CELF2: variants seen among roughly 807,000 people sequenced by gnomAD.
The protein encoded by CELF2 is CUGBP Elav-like family member 2, also known as CUG triplet repeat RNA-binding protein 2.
CELF2 carries 8 observed loss-of-function variants against 62.6 expected under a neutral mutation model. That is an observed-to-expected ratio of 0.13 (90% CI 0.07 to 0.23). The LOEUF (loss-of-function observed/expected upper bound fraction) is 0.23. CELF2 is among the 10% of genes least tolerant of loss of function. The pLI is 1.00. For missense variants in CELF2, 333 were observed against 671.0 expected (o/e 0.50, Z 5.56); for synonymous variants, 258 against 250.0 (o/e 1.03, Z -0.30).
chr10:11,187,798 T>C (rs1029552237), intron 2 of CELF2, among the ~76,000 whole-genome samples: 1 of 152,240 alleles, frequency 6.6e-6, no homozygotes, highest in South Asian at 2.1e-4. Flanking sequence ...TGTTTTTACA[T>C]TTTGCTTTTA....
rs990449233 is a variant in CELF2 at position 10,814,760 on chromosome 10, G to A, written c.53+15943G>A. Among the ~76,000 whole-genome samples the A allele has an allele frequency of 1.3e-4, 20 of 152,226 alleles. 1 individual carries two copies. The highest frequency in any genetic ancestry group is 3.9e-4 in the Admixed American group (6 of 15,288). ...TGAGGTTAAATCCAGGTAATATGATGTCAGGGGATTTGTATTTTAGGAACT... is the reference window on the plus strand; with the variant it reads ...TGAGGTTAAATCCAGGTAATATGATATCAGGGGATTTGTATTTTAGGAACT... On this transcript the variant is annotated intron_variant, in intron 1 of 13. Coordinates refer to the CELF2 transcript ENST00000636488.
the CELF2 span, among the ~76,000 whole-genome samples, chr10:10,684,992 A>T: frequency 1.3e-5 from 2 of 152,170 alleles, no homozygotes; most frequent in African/African-American, 4.8e-5. Flanking sequence ...AAAACCAACA[A>T]AGACAGGAGG....
At chr10:11,022,455 G>T (rs1395571045) in intron 1 of CELF2, among the ~76,000 whole-genome samples, 1 of 152,164 alleles carries the variant, frequency 6.6e-6, no homozygotes, top group Non-Finnish European at 1.5e-5. Context: ...ATAAAAAGGT[G>T]ATGGGATTTT....
At chr10:11,043,584 C>T (rs1426192472) in intron 1 of CELF2, among the ~76,000 whole-genome samples, 1 of 152,064 alleles carries the variant, frequency 6.6e-6, no homozygotes, top group African/African-American at 2.4e-5. Context: ...AGCTCCTCAT[C>T]CCCCGTCCTT....
At chr10:10,596,085 C>T in the CELF2 span, among the ~76,000 whole-genome samples, 2 of 152,048 alleles carry the variant, frequency 1.3e-5, no homozygotes, top group African/African-American at 4.8e-5. Flanking sequence ...AAGCAAGAAC[C>T]CTTGTGGGCT....
intron 2 of CELF2, among the ~76,000 whole-genome samples, chr10:10,962,892 T>C (rs2049687356): frequency 6.6e-6 from 1 of 152,248 alleles, no homozygotes; most frequent in Non-Finnish European, 1.5e-5. Flanking sequence ...TTGGCCATTT[T>C]CCATAGTGAC....
At position 11,199,721 on chromosome 10, in the gene CELF2, G is replaced by A. The variant is rs2058784096; in HGVS notation, c.272-17704G>A. Among the ~76,000 whole-genome samples, 6 of 152,342 alleles carry A rather than the reference G, an allele frequency of 3.9e-5. No homozygotes were observed. The South Asian group carries it at 8.3e-4, about 21-fold the overall frequency. ...TGAGAGGCAAGAAGTTAGCCTCGATGGCTGGAAATTAAGAATTTTTTTTAT... is the reference window on the plus strand; with the variant it reads ...TGAGAGGCAAGAAGTTAGCCTCGATAGCTGGAAATTAAGAATTTTTTTTAT... On this transcript the variant is annotated intron_variant, in intron 2 of 12. Coordinates refer to ENST00000633077, the MANE Select transcript of CELF2 (RefSeq NM_001326342.2).
the CELF2 span, among the ~76,000 whole-genome samples, chr10:10,741,081 C>T: frequency 6.6e-6 from 1 of 152,070 alleles, no homozygotes; most frequent in Non-Finnish European, 1.5e-5. Context: ...TTTGTAGGTG[C>T]TCTTACCACT....
the CELF2 span, among the ~76,000 whole-genome samples, chr10:10,725,105 A>G: frequency 2.0e-5 from 3 of 152,228 alleles, no homozygotes; most frequent in African/African-American, 4.8e-5. Context: ...TTTTACCAGT[A>G]TTCCAATTCT....
intron 1 of CELF2, among the ~76,000 whole-genome samples, chr10:11,108,589 G>T (rs958198215): frequency 9.9e-5 from 15 of 152,152 alleles, no homozygotes; most frequent in Non-Finnish European, 2.1e-4. Flanking sequence ...ATCTGGTTCT[G>T]TTCTGAGGCT....
the CELF2 span, among the ~76,000 whole-genome samples, chr10:10,499,720 A>G: frequency 1.3e-5 from 2 of 152,176 alleles, no homozygotes; most frequent in East Asian, 3.9e-4. Flanking sequence ...TCCACTAAGA[A>G]TACAAAAATT....
the CELF2 span, among the ~76,000 whole-genome samples, chr10:10,579,238 G>T: frequency 6.6e-6 from 1 of 152,144 alleles, no homozygotes; most frequent in Non-Finnish European, 1.5e-5. Context: ...ACTGCTTCAG[G>T]GGAGTATTAT....
intron 8 of CELF2, among the ~76,000 whole-genome samples, chr10:11,279,902 C>G (rs1348790806): frequency 2.0e-5 from 3 of 152,144 alleles, no homozygotes. Context: ...TCGTTGAGTT[C>G]CTAAAACTTA....
At chr10:10,530,539 G>T in the CELF2 span, among the ~76,000 whole-genome samples, 1 of 152,100 alleles carries the variant, frequency 6.6e-6, no homozygotes, top group South Asian at 2.1e-4. Context: ...CCTCATTTTT[G>T]TAGGCCTCAC....
chr10:10,569,971 C>T, the CELF2 span, among the ~76,000 whole-genome samples: 1 of 152,166 alleles, frequency 6.6e-6, no homozygotes, highest in Non-Finnish European at 1.5e-5. Context: ...ATGGATATAC[C>T]TCATTGGCAG....
At chr10:10,464,846 T>C in the CELF2 span, among the ~76,000 whole-genome samples, 1 of 152,142 alleles carries the variant, frequency 6.6e-6, no homozygotes, top group Non-Finnish European at 1.5e-5. Context: ...TTTTACCCTA[T>C]TTTTTCAATA....
chr10:11,055,450 T>C (rs2065014622), intron 1 of CELF2, among the ~76,000 whole-genome samples: 1 of 152,272 alleles, frequency 6.6e-6, no homozygotes, highest in South Asian at 2.1e-4. Flanking sequence ...ATCATTTTCC[T>C]GGGAATAGTT....
At chr10:10,798,901 G>T (rs2054347553) in intron 1 of CELF2, 2 of 398,530 alleles carry the variant, frequency 5.0e-6, no homozygotes, top group African/African-American at 2.1e-5. Context: ...TGCAGAAGTG[G>T]TTGGGGTTGC....
At chr10:10,497,636 G>A in the CELF2 span, among the ~76,000 whole-genome samples, 4 of 152,258 alleles carry the variant, frequency 2.6e-5, no homozygotes, top group Middle Eastern at 3.4e-3. Context: ...CGGCCACACC[G>A]CTGTCTGCAA....
Sources: gnomAD v4.1 joint callset for allele counts (sites outside exome capture counted in the v4.1 genomes callset) on GRCh38, gnomAD v4.1.1 for gene constraint, MANE v1.5 for transcripts, NCBI Gene and HGNC (gene_info 2026-07-23, HGNC 2026-07-21) for gene names.